Variants in NPAS3 observed in about 807,000 individuals in gnomAD.
NPAS3 encodes neuronal PAS domain protein 3.
A neutral mutation model predicts 73.1 loss-of-function variants in NPAS3; 14 were observed. That is an observed-to-expected ratio of 0.19 (90% confidence interval 0.13 to 0.30). NPAS3 has a LOEUF of 0.30. NPAS3 is among the 10% of genes least tolerant of loss of function. The pLI, the probability that NPAS3 is intolerant of heterozygous loss-of-function variation, is 1.00. For synonymous variants in NPAS3, 620 were observed against 541.5 expected (o/e 1.14, Z -2.01); for missense variants, 1,096 against 1,250.0 (o/e 0.88, Z 1.86).
intron 2 of NPAS3, among the ~76,000 whole-genome samples, chr14:33,131,558 C>A (rs1455948728): frequency 6.6e-6 from 1 of 152,130 alleles, no homozygotes; most frequent in African/African-American, 2.4e-5. Flanking sequence ...CTGCCTCTCT[C>A]CAGATACATT....
At chr14:33,232,742 A>G (rs1242429641) in intron 3 of NPAS3, among the ~76,000 whole-genome samples, 1 of 152,140 alleles carries the variant, frequency 6.6e-6, no homozygotes, top group Non-Finnish European at 1.5e-5. Context: ...ATAAGTTACT[A>G]CATTTCATGG....
chr14:33,226,737 C>A (rs562346667), intron 3 of NPAS3, among the ~76,000 whole-genome samples: 2 of 152,228 alleles, frequency 1.3e-5, no homozygotes, highest in South Asian at 2.1e-4. Flanking sequence ...TTGAAAGACA[C>A]TAAAATTCAG....
At chr14:33,440,962 G>C (rs2049221986) in intron 4 of NPAS3, among the ~76,000 whole-genome samples, 2 of 151,164 alleles carry the variant, frequency 1.3e-5, no homozygotes, top group South Asian at 4.2e-4. Flanking sequence ...TTTTATATTT[G>C]TTAAGAATGT....
chr14:33,095,512 A>T (rs1428868307), intron 2 of NPAS3, among the ~76,000 whole-genome samples: 1 of 152,158 alleles, frequency 6.6e-6, no homozygotes, highest in South Asian at 2.1e-4. Flanking sequence ...AAAGAACTTC[A>T]TTATGGCAAT....
intron 4 of NPAS3, among the ~76,000 whole-genome samples, chr14:33,462,702 G>A (rs544549685): frequency 1.2e-4 from 18 of 152,244 alleles, no homozygotes; most frequent in South Asian, 8.3e-4. Context: ...TAAGGCACCC[G>A]GGAAGACTTC....
intron 1 of NPAS3, among the ~76,000 whole-genome samples, chr14:33,008,391 T>C (rs1041412126): frequency 7.9e-5 from 12 of 152,168 alleles, no homozygotes; most frequent in Non-Finnish European, 1.3e-4. Context: ...ATATTTTCTG[T>C]AGGTAAAAAT....
At chr14:33,437,138 T>C (rs943249461) in intron 4 of NPAS3, among the ~76,000 whole-genome samples, 2 of 152,116 alleles carry the variant, frequency 1.3e-5, no homozygotes, top group Non-Finnish European at 2.9e-5. Context: ...AGTTAGGTGA[T>C]TGATATTTGT....
intron 2 of NPAS3, among the ~76,000 whole-genome samples, chr14:33,105,502 T>C (rs930804019): frequency 1.3e-5 from 2 of 152,182 alleles, no homozygotes; most frequent in Admixed American, 6.6e-5. Flanking sequence ...GGTTTCAAAC[T>C]GTATATCCAG....
intron 3 of NPAS3, among the ~76,000 whole-genome samples, chr14:33,307,709 G>A (rs768322094): frequency 1.9e-4 from 29 of 151,324 alleles, no homozygotes; most frequent in South Asian, 6.3e-4. Context: ...GTTTGTGGTC[G>A]GAGATGATAG....
chr14:33,289,063 GAT>G (rs2041990222), intron 3 of NPAS3, among the ~76,000 whole-genome samples: 1 of 152,184 alleles, frequency 6.6e-6, no homozygotes. Flanking sequence ...GAGAAATAGT[GAT>G]ACCTAACATT....
intron 1 of NPAS3, among the ~76,000 whole-genome samples, chr14:32,965,141 A>G (rs2037098714): frequency 6.6e-6 from 1 of 152,206 alleles, no homozygotes; most frequent in South Asian, 2.1e-4. Context: ...AAACATTTAA[A>G]GAAAAACTAA....
intron 6 of NPAS3, among the ~76,000 whole-genome samples, chr14:33,714,804 T>G (rs555256938): frequency 6.6e-6 from 1 of 152,322 alleles, no homozygotes; most frequent in Admixed American, 6.5e-5. Context: ...TGATGTTTTC[T>G]TTCTTGGTGC....
At position 33,233,823 on chromosome 14, in the gene NPAS3, T is replaced by G. The variant is rs533360742; in HGVS notation, c.385+18397T>G. On this transcript the variant is annotated intron_variant, in intron 3 of 11. Coordinates refer to ENST00000356141, the Ensembl canonical transcript of NPAS3. ...CATCTATCCTGATAAAGAGTTGTAGTTATTTGCATTTAAGCATATTAACTC... is the reference window on the plus strand; with the variant it reads ...CATCTATCCTGATAAAGAGTTGTAGGTATTTGCATTTAAGCATATTAACTC... 1.8e-3 allele frequency among the ~76,000 whole-genome samples: 273 copies of G among 152,254 alleles called. 3 individuals are homozygous for G. The highest frequency in any genetic ancestry group is 4.3e-4 in the Non-Finnish European group (29 of 68,002).
At chr14:33,658,526 A>G (rs1317534068) in intron 5 of NPAS3, among the ~76,000 whole-genome samples, 1 of 152,180 alleles carries the variant, frequency 6.6e-6, no homozygotes, top group Non-Finnish European at 1.5e-5. Flanking sequence ...TTTAAGCTAA[A>G]CCTTTGGGAA....
intron 3 of NPAS3, among the ~76,000 whole-genome samples, chr14:33,300,791 C>T (rs1056134455): frequency 2.2e-4 from 33 of 152,076 alleles, no homozygotes; most frequent in African/African-American, 8.0e-4. Flanking sequence ...AGCATGGCTA[C>T]TAGACATCTG....
intron 5 of NPAS3, chr14:33,612,531 C>T (rs755079203): frequency 8.8e-6 from 4 of 455,788 alleles, no homozygotes; most frequent in African/African-American, 2.0e-5. Context: ...AGTTTAGTTC[C>T]TCTGGCTTTA....
At chr14:33,503,122 C>T (rs1458693155) in intron 4 of NPAS3, among the ~76,000 whole-genome samples, 1 of 151,836 alleles carries the variant, frequency 6.6e-6, no homozygotes, top group African/African-American at 2.4e-5. Flanking sequence ...CAGGAATACA[C>T]ATAAAATGAT....
At chr14:32,975,896 T>TGTGTGAGAGA (rs374916231) in intron 1 of NPAS3, among the ~76,000 whole-genome samples, 8 of 142,200 alleles carry the variant, frequency 5.6e-5, no homozygotes, top group Non-Finnish European at 1.2e-4. Flanking sequence ...TGTGTGTGTG[T>TGTGTGAGAGA]GAGAGAGAGA....
Position 33,800,869 on chromosome 14 carries a change from G to A in NPAS3, c.2562G>A (p.Val854=), listed in dbSNP as rs1417813774. Residue 854 remains valine (V), a synonymous_variant, in exon 12 of 12, where the codon GTG becomes GTA. Transcript: ENST00000356141. The surrounding 1 kb of genome is among the most constrained non-coding windows in gnomAD (Gnocchi z 6.5). ...CCAACGCGCACGCTGTTAACTTCGT[G>A]GACGTTAACAGCCCCGGCTTTGGCC... 3 of 1,606,338 alleles carry A rather than the reference G, an allele frequency of 1.9e-6. No individual in the cohort carries two copies. Among genetic ancestry groups the A allele is most frequent in the African/African-American group, 2.7e-5 (2 of 74,770 alleles).
Sources: gnomAD v4.1 joint callset for allele counts (sites outside exome capture counted in the v4.1 genomes callset) on GRCh38, gnomAD v4.1.1 for gene constraint, Gnocchi (gnomAD v3.1) non-coding constraint, MANE v1.5 for transcripts, NCBI Gene and HGNC (gene_info 2026-07-23, HGNC 2026-07-21) for gene names.